ORC1: variants seen among roughly 807,000 people sequenced by gnomAD.
ORC1 encodes origin recognition complex subunit 1, also known as origin recognition complex, subunit 1 homolog.
ORC1 carries 61 observed loss-of-function variants against 98.9 expected under a neutral mutation model. The ratio of observed to expected loss-of-function variants is 0.62; its 90% CI spans 0.50 to 0.76. The LOEUF (loss-of-function observed/expected upper bound fraction) is 0.76. ORC1 is among the 30% of genes least tolerant of loss of function. The pLI is 0.00. For synonymous variants in ORC1, 385 were observed against 406.9 expected, an observed-to-expected ratio of 0.95 and a Z score of 0.65; for missense variants, 979 against 1,072.2, an observed-to-expected ratio of 0.91 and a Z score of 1.21.
chr1:52,397,331 C>A (rs915257405), intron 4 of ORC1, among the ~76,000 whole-genome samples: 2 of 152,188 alleles, frequency 1.3e-5, no homozygotes, highest in African/African-American at 4.8e-5. Flanking sequence ...ACTCTTTGTA[C>A]TGATTTACTC....
Position 52,393,663 on chromosome 1 carries a change from G to C in ORC1, c.862C>G (p.Pro288Ala). Residue 288 changes from proline to alanine, a missense_variant, in exon 6 of 17, where the codon CCA becomes GCA. Pro to Ala is a conservative substitution (Grantham distance 27). Coordinates refer to ENST00000371568, the MANE Select transcript of ORC1 (RefSeq NM_004153.4). The stretch of plus-strand genomic sequence containing the variant: ...GTTTTCTCTGGGGCTTTCAGAGCTG[G>C]AGACAAGGTTTGAAGTTTATCAGGC... ...SQPDKLQTLS[P>A]ALKAPEKTRE... 6.2e-7 allele frequency: 1 copy of C among 1,614,142 alleles called. No individual in the cohort carries two copies. Among genetic ancestry groups the C allele is most frequent in the Non-Finnish European group, 8.5e-7 (1 of 1,180,018 alleles).
chr1:52,384,848 G>A (rs2147925091), intron 10 of ORC1, 127 bp from the exon 11 acceptor site: 2 of 822,408 alleles, frequency 2.4e-6, no homozygotes, highest in Non-Finnish European at 2.0e-6. Context: ...GGTGGGGGCA[G>A]TAGGGACCAT....
intron 14 of ORC1, among the ~76,000 whole-genome samples, chr1:52,380,872 T>C (rs1339504993): frequency 6.6e-6 from 1 of 152,158 alleles, no homozygotes; most frequent in Non-Finnish European, 1.5e-5. Flanking sequence ...AGGCACACAA[T>C]TGGCTCACCT....
rs1646957408 is a variant in ORC1, at chr1:52,373,294, G to A, written c.2473C>T (p.His825Tyr). Reference sequence around the variant, plus strand: ...AGCAGGAGGCGACAGGAGCCCAGGTGAGAACACACGGCCATGGTCTCTGAC... The same window carrying A: ...AGCAGGAGGCGACAGGAGCCCAGGTAAGAACACACGGCCATGGTCTCTGAC... ...TMSETMAVCSHLGSCRLLLVE... is the reference protein window; with the variant it reads ...TMSETMAVCSYLGSCRLLLVE... The change falls in exon 17 of 17, where the codon CAC becomes TAC. Residue 825 changes from histidine to tyrosine, a missense_variant. Coordinates refer to ENST00000371568, the MANE Select transcript of ORC1 (RefSeq NM_004153.4). The A allele has an allele frequency of 6.2e-7, 1 of 1,614,188 alleles. No individual in the cohort carries two copies. Among genetic ancestry groups the A allele is most frequent in the Non-Finnish European group, 8.5e-7 (1 of 1,180,016 alleles).
At chr1:52,389,973 T>C (rs2147932392) in intron 6 of ORC1, among the ~76,000 whole-genome samples, 1 of 152,262 alleles carries the variant, frequency 6.6e-6, no homozygotes, top group South Asian at 2.1e-4. Flanking sequence ...ATCATATACC[T>C]AGAAAACCCT....
chr1:52,406,103 C>T (rs1424311987), upstream of ORC1, among the ~76,000 whole-genome samples: 1 of 152,222 alleles, frequency 6.6e-6, no homozygotes, highest in East Asian at 1.9e-4. Context: ...ATTCTCCTGT[C>T]TCAGCCTCCC....
upstream of ORC1, chr1:52,405,008 AT>A (rs1351953632): frequency 9.5e-7 from 1 of 1,054,882 alleles, no homozygotes; most frequent in Non-Finnish European, 1.4e-6. Flanking sequence ...ATTCAGAAAA[AT>A]TTTGAGTGCC....
chr1:52,391,696 C>T (rs1011429788), intron 6 of ORC1, among the ~76,000 whole-genome samples: 2 of 152,074 alleles, frequency 1.3e-5, no homozygotes, highest in Admixed American at 1.3e-4. Flanking sequence ...ATCAGGAGTT[C>T]GAGACTAGCC....
At chr1:52,375,630 C>A in intron 14 of ORC1, 31 bp from the exon 15 acceptor site, 1 of 1,607,674 alleles carries the variant, frequency 6.2e-7, no homozygotes, top group Non-Finnish European at 8.5e-7. Flanking sequence ...TTCCTGAGGC[C>A]ACCTTAGCCC....
rs751435294 is a variant in ORC1 at position 52,383,410 on chromosome 1, T to C, written c.2013+10A>G. The C allele has an allele frequency of 2.5e-6, 4 of 1,612,274 alleles. No individual in the cohort carries two copies. In the South Asian group the frequency reaches 4.4e-5, roughly 18 times the overall value. On this transcript the variant is annotated intron_variant, in intron 13 of 16. Coordinates refer to ENST00000371568, the MANE Select transcript of ORC1 (RefSeq NM_004153.4). ...TGCAAGAACAGCATGGGAACTGCCC[T>C]AGAACCTACCAGTCGGCTGGACACC...
intron 16 of ORC1, among the ~76,000 whole-genome samples, chr1:52,374,274 C>T (rs1462755560): frequency 6.6e-6 from 1 of 152,172 alleles, no homozygotes; most frequent in Non-Finnish European, 1.5e-5. Context: ...AAAATGTTTT[C>T]CTGACTTATT....
intron 8 of ORC1, 77 bp from the exon 9 acceptor site, chr1:52,386,026 G>A: frequency 9.6e-7 from 1 of 1,044,982 alleles, no homozygotes; most frequent in Non-Finnish European, 1.5e-6. Context: ...AATGTGATTT[G>A]TGCTGATCTG....
upstream of ORC1, among the ~76,000 whole-genome samples, chr1:52,408,114 G>T (rs182963162): frequency 2.9e-3 from 444 of 150,906 alleles, no homozygotes; most frequent in Non-Finnish European, 4.9e-3. Flanking sequence ...GGTGGCGGGC[G>T]CCTGTAATCC....
chr1:52,381,865 T>A lies in ORC1; in HGVS notation c.2014-104A>T, dbSNP rs189217421. The A allele has an allele frequency of 3.5e-5, 41 of 1,180,898 alleles. No individual in the cohort carries two copies. In the East Asian group the frequency reaches 9.2e-4, roughly 27 times the overall value. 73.2% of individuals were successfully genotyped at this position (1,180,898 alleles called of 1,614,324 possible). A position where few individuals can be genotyped will look rare whatever the true frequency, so the allele number is the denominator to read the frequency against. On this transcript the variant is annotated intron_variant, in intron 13 of 16. Transcript: ENST00000371568. ...CCAAACCCAATTCCCAGGTCCCATA[T>A]AACAAATTACACATTTCATACCTAG...
At chr1:52,393,311 T>C (rs1647263228) in intron 6 of ORC1, 132 bp downstream of exon 6, 4 of 1,242,384 alleles carry the variant, frequency 3.2e-6, no homozygotes, top group Admixed American at 3.7e-5. Context: ...AAATCTGTAT[T>C]TTAAGAAAGC....
At chr1:52,377,954 C>T (rs1647015612) in intron 14 of ORC1, among the ~76,000 whole-genome samples, 2 of 152,064 alleles carry the variant, frequency 1.3e-5, no homozygotes, top group African/African-American at 2.4e-5. Flanking sequence ...AGATTCGCTT[C>T]GTCATATGTA....
Position 52,383,475 on chromosome 1 carries a change from G to A in ORC1, c.1958C>T (p.Ala653Val), listed in dbSNP as rs1647099621. The A allele has an allele frequency of 7.4e-6, 12 of 1,613,374 alleles. No homozygotes were observed. The highest frequency in any genetic ancestry group is 1.3e-5 in the African/African-American group (1 of 74,916). Residue 653 changes from alanine (A) to valine (V), a missense_variant, in exon 13 of 17, where the codon GCC becomes GTC. By Grantham distance (64) the Ala-to-Val change is moderately conservative. Transcript: ENST00000371568. Reference protein sequence around the residue: ...KEARLVVLAIANTMDLPERIM... With the variant: ...KEARLVVLAIVNTMDLPERIM... ...TCGCTCTGGCAGGTCCATTGTGTTG[G>A]CAATTGCCAGGACCACAAGCCGGGC...
chr1:52,391,981 G>C (rs540926678), intron 6 of ORC1, among the ~76,000 whole-genome samples: 1 of 151,290 alleles, frequency 6.6e-6, no homozygotes, highest in African/African-American at 2.4e-5. Flanking sequence ...GAAACAGCCA[G>C]CAAACATATG....
At chr1:52,377,100 G>A (rs548447850) in intron 14 of ORC1, among the ~76,000 whole-genome samples, 1 of 152,168 alleles carries the variant, frequency 6.6e-6, no homozygotes, top group South Asian at 2.1e-4. Flanking sequence ...TCAGCTTACT[G>A]CAACCTCCAC....
Sources: gnomAD v4.1 joint callset for allele counts (sites outside exome capture counted in the v4.1 genomes callset) on GRCh38, gnomAD v4.1.1 for gene constraint, MANE v1.5 for transcripts, NCBI Gene and HGNC (gene_info 2026-07-23, HGNC 2026-07-21) for gene names.